Variants in VPS35L observed in about 807,000 individuals in gnomAD.
The protein encoded by VPS35L is VPS35 endosomal protein-sorting factor-like.
VPS35L carries 83 observed loss-of-function variants against 133.0 expected under a neutral mutation model. That is an observed-to-expected ratio of 0.62 (90% CI 0.52 to 0.75). The LOEUF (loss-of-function observed/expected upper bound fraction) is 0.75, where lower values mean the gene tolerates loss of function less well. Among genes scored for constraint, VPS35L ranks in the 30% least tolerant of loss-of-function variants. The pLI is 0.00. For synonymous variants in VPS35L, 423 were observed against 449.9 expected (o/e 0.94, Z 0.76); for missense variants, 1,083 against 1,206.8 (o/e 0.90, Z 1.52).
intron 21 of VPS35L, among the ~76,000 whole-genome samples, chr16:19,641,974 C>T (rs543837391): frequency 6.6e-6 from 1 of 152,324 alleles, no homozygotes; most frequent in South Asian, 2.1e-4. Context: ...CTTTGGGAGG[C>T]TGAGGCAGGT....
chr16:19,574,068 G>T (rs1449443068), intron 4 of VPS35L, among the ~76,000 whole-genome samples: 1 of 152,182 alleles, frequency 6.6e-6, no homozygotes, highest in African/African-American at 2.4e-5. Context: ...GACCAACCCA[G>T]TCAGGTTAAT....
At chr16:19,571,509 C>T (rs1248391447) in intron 3 of VPS35L, among the ~76,000 whole-genome samples, 2 of 152,018 alleles carry the variant, frequency 1.3e-5, no homozygotes, top group Admixed American at 6.6e-5. Context: ...TGAGCCACTG[C>T]ACCCCACAAC....
Position 19,684,683 on chromosome 16 carries a change from G to T in VPS35L, c.2527+2293G>T, listed in dbSNP as rs547670758. On this transcript the variant is annotated intron_variant, in intron 28 of 30. Coordinates refer to ENST00000417362, the MANE Select transcript of VPS35L (RefSeq NM_020314.7). ...AGAAAGACAATGTGATATACTCCAG[G>T]GCTTCCGGTAGTTAGTGATGGAAGT... 5.3e-5 allele frequency among the ~76,000 whole-genome samples: 8 copies of T among 152,282 alleles called. No individual in the cohort carries two copies. In the South Asian group the frequency reaches 1.0e-3, roughly 20 times the overall value.
chr16:19,669,471 A>G (rs62024102), intron 27 of VPS35L, among the ~76,000 whole-genome samples, 172 bp downstream of exon 27: 13,888 of 151,938 alleles, frequency 0.091, 856 homozygotes, highest in East Asian at 0.21. Context: ...CTGGGTGGGG[A>G]TCATACTATA....
intron 27 of VPS35L, among the ~76,000 whole-genome samples, chr16:19,679,015 C>T (rs972598042): frequency 6.6e-6 from 1 of 152,024 alleles, no homozygotes; most frequent in Non-Finnish European, 1.5e-5. Flanking sequence ...AATGAAGTTG[C>T]TGGAACATTC....
At chr16:19,616,235 A>G (rs367847661) in intron 13 of VPS35L, 44 bp downstream of exon 13, 100 of 1,517,818 alleles carry the variant, frequency 6.6e-5, no homozygotes, top group Non-Finnish European at 8.9e-5. Flanking sequence ...TAACAGTTCT[A>G]TGATAGCAAA....
chr16:19,648,722 G>A (rs1283833925), intron 24 of VPS35L, among the ~76,000 whole-genome samples: 1 of 151,956 alleles, frequency 6.6e-6, no homozygotes, highest in Non-Finnish European at 1.5e-5. Context: ...ACCAAAGTTA[G>A]TCAGGCGGGG....
At chr16:19,622,941 G>T (rs1973130898) in intron 14 of VPS35L, among the ~76,000 whole-genome samples, 1 of 152,124 alleles carries the variant, frequency 6.6e-6, no homozygotes, top group African/African-American at 2.4e-5. Context: ...GCTCTCGGGT[G>T]ATCAGCTTCA....
chr16:19,666,680 G>T (rs1275144268), intron 26 of VPS35L, among the ~76,000 whole-genome samples: 1 of 152,098 alleles, frequency 6.6e-6, no homozygotes, highest in African/African-American at 2.4e-5. Context: ...CATTCTCTGG[G>T]CCAGTCAGTA....
chr16:19,639,292 C>T lies in VPS35L; in HGVS notation c.1699-723C>T, dbSNP rs11642898. 0.13 allele frequency among the ~76,000 whole-genome samples: 20,294 copies of T among 152,022 alleles called. 1,709 individuals are homozygous for T. The highest frequency in any genetic ancestry group is 0.3 in the East Asian group (1,550 of 5,138). On this transcript the variant is annotated intron_variant, in intron 20 of 30. Coordinates refer to ENST00000417362, the MANE Select transcript of VPS35L (RefSeq NM_020314.7). This position sits in a 1 kb window ranked among gnomAD's most constrained non-coding sequence, Gnocchi z 4.1. ...AACTTGCTTACAGCCACACAGTCAC[C>T]GAGGTTAGTATTCAGAGCCAGGCGG...
intron 20 of VPS35L, among the ~76,000 whole-genome samples, chr16:19,638,413 C>A (rs980593151): frequency 2.0e-5 from 3 of 152,134 alleles, no homozygotes; most frequent in Admixed American, 2.0e-4. Flanking sequence ...ATATACATTC[C>A]AAGACTCCCA....
intron 18 of VPS35L, 80 bp downstream of exon 18, chr16:19,629,900 T>C: frequency 7.5e-7 from 1 of 1,335,876 alleles, no homozygotes; most frequent in Non-Finnish European, 1.1e-6. Context: ...AGTTTAGGTA[T>C]TGAGGCATTT....
At chr16:19,668,591 A>AGTGT (rs35546511) in intron 26 of VPS35L, among the ~76,000 whole-genome samples, 2,200 of 147,460 alleles carry the variant, frequency 0.015, 23 homozygotes, top group Middle Eastern at 0.025. Flanking sequence ...CTTTAAGCTG[A>AGTGT]GTGTGTGTGT....
In VPS35L at chr16:19,575,813, A is replaced by G. The variant is rs531201549; in HGVS notation, c.433+691A>G. Among the ~76,000 whole-genome samples, 7 of 150,606 alleles carry G rather than the reference A, an allele frequency of 4.6e-5. No homozygotes were observed. In the South Asian group the frequency reaches 6.4e-4, roughly 14 times the overall value. ...GGGAGGCGGAAGTTGCAGTGAGCCA[A>G]GATTGCACTCCAGCCTGGGCAACAA... On this transcript the variant is annotated intron_variant, in intron 5 of 30. Coordinates refer to ENST00000417362, the MANE Select transcript of VPS35L (RefSeq NM_020314.7).
At chr16:19,652,235 A>C in intron 26 of VPS35L, 145 bp downstream of exon 26, 1 of 644,328 alleles carries the variant, frequency 1.6e-6, no homozygotes, top group Non-Finnish European at 2.7e-6. Context: ...GGAATGTAGT[A>C]GTGCAATCAT....
intron 28 of VPS35L, 31 bp downstream of exon 28, chr16:19,682,421 C>G: frequency 1.3e-6 from 2 of 1,593,952 alleles, no homozygotes; most frequent in Non-Finnish European, 1.7e-6. Flanking sequence ...AAACCATGCT[C>G]CGCATGGATT....
At chr16:19,645,009 A>C (rs889207624) in intron 23 of VPS35L, 60 bp downstream of exon 23, 36 of 1,215,996 alleles carry the variant, frequency 3.0e-5, no homozygotes, top group Middle Eastern at 1.9e-4. Flanking sequence ...GTTTATCCTT[A>C]TGTTGGCGAA....
chr16:19,689,275 C>T (rs1397768668), intron 28 of VPS35L, among the ~76,000 whole-genome samples: 18 of 112,310 alleles, frequency 1.6e-4, no homozygotes, highest in Admixed American at 4.9e-4. Context: ...CTGTGCCTGG[C>T]GTTTTTTTTT....
In VPS35L at chr16:19,633,082, T is replaced by C; in HGVS notation, c.1555-10T>C. Reference sequence around the variant, plus strand: ...GTCTAATTCAGGTTTGGTTCCTTTTTCCTGCTTAGAAACGAGAGGTGAATA... The same window carrying C: ...GTCTAATTCAGGTTTGGTTCCTTTTCCCTGCTTAGAAACGAGAGGTGAATA... On this transcript the variant is annotated splice_polypyrimidine_tract_variant and intron_variant, in intron 18 of 30. Coordinates refer to ENST00000417362, the MANE Select transcript of VPS35L (RefSeq NM_020314.7). This position sits in a 1 kb window ranked among gnomAD's most constrained non-coding sequence, Gnocchi z 4.1. The C allele has an allele frequency of 6.2e-7, 1 of 1,613,902 alleles. No homozygotes were observed. Among genetic ancestry groups the C allele is most frequent in the Non-Finnish European group, 8.5e-7 (1 of 1,179,726 alleles).
Sources: gnomAD v4.1 joint callset for allele counts (sites outside exome capture counted in the v4.1 genomes callset) on GRCh38, gnomAD v4.1.1 for gene constraint, Gnocchi (gnomAD v3.1) non-coding constraint, MANE v1.5 for transcripts, NCBI Gene and HGNC (gene_info 2026-07-23, HGNC 2026-07-21) for gene names.